The following SENP1 variants were observed in gnomAD, a reference collection of about 807,000 sequenced individuals.
SENP1 encodes sentrin-specific protease 1.
Under a neutral mutation model 93.0 loss-of-function variants are expected in SENP1, and 21 were observed. The observed-to-expected ratio is 0.23, with a 90% confidence interval of 0.16 to 0.33. The LOEUF (loss-of-function observed/expected upper bound fraction) is 0.33, where lower values mean the gene tolerates loss of function less well. Ranked by LOEUF, SENP1 falls within the 10% of genes least tolerant of loss-of-function variation. The probability of loss-of-function intolerance (pLI) is 1.00; values close to 1 mark genes in which losing one functional copy is unlikely to be tolerated. For synonymous variants in SENP1, 256 were observed against 259.6 expected, an observed-to-expected ratio of 0.99 and a Z score of 0.13; for missense variants, 591 against 758.7, an observed-to-expected ratio of 0.78 and a Z score of 2.60.
At chr12:48,105,441 A>G (rs764973545) in intron 1 of SENP1, 1 of 519,062 alleles carries the variant, frequency 1.9e-6, no homozygotes, top group East Asian at 5.4e-5. Context: ...GTGGCAGTTA[A>G]GGGGATTTTC....
intron 2 of SENP1, among the ~76,000 whole-genome samples, chr12:48,101,013 C>T (rs1472984496): frequency 6.6e-6 from 1 of 152,162 alleles, no homozygotes; most frequent in African/African-American, 2.4e-5. Context: ...GGGCTGGGTG[C>T]GGTGGCTCAT....
chr12:48,069,973 T>C (rs933966401), intron 9 of SENP1, among the ~76,000 whole-genome samples: 2 of 152,172 alleles, frequency 1.3e-5, no homozygotes, highest in Non-Finnish European at 2.9e-5. Flanking sequence ...ATCCTAGCAA[T>C]TGAATTCCCA....
chr12:48,071,699 C>T lies in SENP1; in HGVS notation c.963G>A (p.Leu321=). The T allele has an allele frequency of 6.2e-7, 1 of 1,608,992 alleles. No individual in the cohort carries two copies. The highest frequency in any genetic ancestry group is 8.5e-7 in the Non-Finnish European group (1 of 1,176,034). The change falls in exon 9 of 18, where the codon CTG becomes CTA. Residue 321 remains leucine (L), a synonymous_variant. Transcript: ENST00000549518. ...QSEGSDSVIL[L]KVKDSQTPTP... ...TTGGAGTCTGGGAATCTTTCACTTT[C>T]AGTAAAATCACAGAGTCTGATCCTA... is the stretch of plus-strand genomic sequence containing the variant.
In SENP1 at chr12:48,057,205, T is replaced by C. The variant is rs554454391; in HGVS notation, c.1407+6505A>G. 4.1e-3 allele frequency among the ~76,000 whole-genome samples: 499 copies of C among 123,080 alleles called. 13 individuals carry two copies. Among genetic ancestry groups the C allele is most frequent in the African/African-American group, 0.012 (437 of 35,978 alleles). 80.7% of individuals were successfully genotyped at this position (123,080 alleles called of 152,430 possible). ...TAATATATTACACATTACATATATATTATTTATTATATATAAAAAATACAT... is the reference window on the plus strand; with the variant it reads ...TAATATATTACACATTACATATATACTATTTATTATATATAAAAAATACAT... On this transcript the variant is annotated intron_variant, in intron 13 of 17. Coordinates refer to ENST00000549518, the MANE Select transcript of SENP1 (RefSeq NM_001267594.2).
chr12:48,064,387 C>T (rs1234762167), intron 12 of SENP1, among the ~76,000 whole-genome samples: 1 of 152,122 alleles, frequency 6.6e-6, no homozygotes, highest in Non-Finnish European at 1.5e-5. Context: ...AAAATGTACA[C>T]AGACCTCCAT....
chr12:48,077,348 C>A (rs1944167925), intron 6 of SENP1, among the ~76,000 whole-genome samples: 1 of 152,192 alleles, frequency 6.6e-6, no homozygotes, highest in South Asian at 2.1e-4. Flanking sequence ...GTGCCAAGAC[C>A]ACTGTCGTGT....
At chr12:48,090,223 T>C (rs1196707373) in intron 4 of SENP1, among the ~76,000 whole-genome samples, 1 of 152,210 alleles carries the variant, frequency 6.6e-6, no homozygotes, top group Non-Finnish European at 1.5e-5. Flanking sequence ...TGAGTCTTAG[T>C]AAAGAACTAG....
At chr12:48,084,931 C>T in intron 5 of SENP1, 1 of 516,438 alleles carries the variant, frequency 1.9e-6, no homozygotes. Context: ...GAATCCAAAT[C>T]AGACAAGATC....
At chr12:48,089,878 T>A (rs957729142) in intron 4 of SENP1, among the ~76,000 whole-genome samples, 2 of 152,234 alleles carry the variant, frequency 1.3e-5, no homozygotes, top group African/African-American at 4.8e-5. Context: ...TTAAAACATA[T>A]TACTATAGAA....
In SENP1 at chr12:48,088,466, A is replaced by C. The variant is rs1945025994; in HGVS notation, c.380+335T>G. ...GGTCTCTGCTCACTTGATAGCTGTA[A>C]AATATGTTTCTTTCCTGCTCAAATT... is the stretch of plus-strand genomic sequence containing the variant. On this transcript the variant is annotated intron_variant, in intron 5 of 17. Transcript: ENST00000549518. 5 of 282,788 alleles carry C rather than the reference A, an allele frequency of 1.8e-5. No individual in the cohort carries two copies. The South Asian group carries it at 2.1e-4, about 12-fold the overall frequency. The allele number at this position is 282,788 out of a possible 1,614,324, so 17.5% of individuals were successfully genotyped here.
chr12:48,099,171 C>G (rs142450345), intron 2 of SENP1: 1 of 151,944 alleles, frequency 6.6e-6, no homozygotes, highest in Non-Finnish European at 1.5e-5. Flanking sequence ...AAAAACAAAA[C>G]AAAACATTAG....
chr12:48,088,706 T>C (rs567847215), intron 5 of SENP1, 95 bp downstream of exon 5: 58 of 1,193,194 alleles, frequency 4.9e-5, no homozygotes, highest in Non-Finnish European at 6.5e-5. Context: ...ATGGTGTTAC[T>C]CTTTTAAAAT....
At chr12:48,095,040 C>T (rs527584282) in intron 4 of SENP1, among the ~76,000 whole-genome samples, 1 of 152,112 alleles carries the variant, frequency 6.6e-6, no homozygotes, top group East Asian at 1.9e-4. Context: ...ACAAATTATG[C>T]ACATACTATG....
rs958990338 is a variant in SENP1 at position 48,104,269 on chromosome 12, G to T, written c.-45+1759C>A. ...GAGAGAGAGAGACGGGGGGGGGGGG[G>T]GGGGCGGAGGGAGGGAGAGAGAGAG... On this transcript the variant is annotated intron_variant, in intron 1 of 17. Coordinates refer to ENST00000549518, the MANE Select transcript of SENP1 (RefSeq NM_001267594.2). Among the ~76,000 whole-genome samples the T allele has an allele frequency of 9.6e-4, 72 of 75,364 alleles. 9 individuals carry two copies. The South Asian group carries it at 0.044, about 46-fold the overall frequency. 49.4% of individuals were successfully genotyped at this position (75,364 alleles called of 152,430 possible).
intron 4 of SENP1, chr12:48,089,210 T>A (rs767666164): frequency 6.7e-7 from 1 of 1,484,644 alleles, no homozygotes; most frequent in South Asian, 1.1e-5. Context: ...ATGTGCCTTA[T>A]CTGCATCAAT....
At chr12:48,076,576 C>T (rs2078050073) in intron 6 of SENP1, among the ~76,000 whole-genome samples, 1 of 152,094 alleles carries the variant, frequency 6.6e-6, no homozygotes, top group East Asian at 1.9e-4. Flanking sequence ...AAGTGATGCG[C>T]CCACCTTGGC....
At chr12:48,105,983 C>G (rs955578449) in intron 1 of SENP1, 45 bp downstream of exon 1, 5 of 700,096 alleles carry the variant, frequency 7.1e-6, no homozygotes, top group East Asian at 5.4e-5. Context: ...CTGGACCAGG[C>G]TCCCTCCATC....
chr12:48,061,850 A>G (rs1942982631), intron 13 of SENP1, among the ~76,000 whole-genome samples: 1 of 152,210 alleles, frequency 6.6e-6, no homozygotes, highest in South Asian at 2.1e-4. Context: ...GATAGCTCCC[A>G]TCATTATTAT....
chr12:48,044,286 T>C lies in SENP1; in HGVS notation c.*1036A>G, dbSNP rs1332803771. 2 of 149,414 alleles carry C rather than the reference T, an allele frequency of 1.3e-5. No individual in the cohort carries two copies. Among genetic ancestry groups the C allele is most frequent in the Admixed American group, 1.3e-4 (2 of 14,910 alleles). 9.3% of individuals were successfully genotyped at this position (149,414 alleles called of 1,614,324 possible). ...CTGGAATTTGGAAAATGGAAATAAA[T>C]CTACAGGCTAAATGGTGAACACATT... On this transcript the variant is annotated 3_prime_UTR_variant, in exon 18 of 18. Transcript: ENST00000549518.
Sources: gnomAD v4.1 joint callset for allele counts (sites outside exome capture counted in the v4.1 genomes callset) on GRCh38, gnomAD v4.1.1 for gene constraint, MANE v1.5 for transcripts, NCBI Gene and HGNC (gene_info 2026-07-23, HGNC 2026-07-21) for gene names.